Variants in CPNE2 observed in about 807,000 individuals in gnomAD.
CPNE2 encodes copine 2, also known as copine-2.
Under a neutral mutation model 69.7 loss-of-function variants are expected in CPNE2, and 42 were observed. The observed-to-expected ratio is 0.60, with a 90% confidence interval of 0.47 to 0.78. CPNE2 has a LOEUF of 0.78. Ranked by LOEUF, CPNE2 falls within the 30% of genes least tolerant of loss-of-function variation. The probability of loss-of-function intolerance (pLI) is 0.00; values close to 1 mark genes in which losing one functional copy is unlikely to be tolerated. For synonymous variants in CPNE2, 294 were observed against 289.8 expected, an observed-to-expected ratio of 1.01 and a Z score of -0.15; for missense variants, 587 against 732.0, an observed-to-expected ratio of 0.80 and a Z score of 2.29.
rs780392148 is a variant in CPNE2, at chr16:57,124,922, GCC to G, written c.928-937_928-936del. ...TTCATTCAGCGAACTCACACTGACT[GCC>G]TCCTTTGTGCCGGGCTCTAGGCTGT... On this transcript the variant is annotated intron_variant, in intron 10 of 15. Transcript: ENST00000290776. 1.1e-3 allele frequency: 258 copies of G among 239,100 alleles called. 1 individual carries two copies. Among genetic ancestry groups the G allele is most frequent in the Non-Finnish European group, 1.8e-3 (214 of 116,198 alleles). 14.8% of individuals were successfully genotyped at this position (239,100 alleles called of 1,614,324 possible). A position where few individuals can be genotyped will look rare whatever the true frequency, so the allele number is the denominator to read the frequency against.
intron 14 of CPNE2, chr16:57,141,319 C>A (rs2069921231): frequency 6.6e-6 from 1 of 152,292 alleles, no homozygotes; most frequent in Non-Finnish European, 1.5e-5. Flanking sequence ...GAGGCCCAAG[C>A]ACCTGGTGCT....
intron 1 of CPNE2, among the ~76,000 whole-genome samples, chr16:57,095,885 C>A (rs1485955038): frequency 6.6e-6 from 1 of 152,220 alleles, no homozygotes; most frequent in Non-Finnish European, 1.5e-5. Context: ...TTTCTTGGGG[C>A]ATTTGCCACT....
chr16:57,110,372 G>A (rs1026285859), intron 1 of CPNE2, among the ~76,000 whole-genome samples: 5 of 151,834 alleles, frequency 3.3e-5, no homozygotes, highest in Non-Finnish European at 7.4e-5. Flanking sequence ...CCACAGGCAC[G>A]CACCACCATG....
chr16:57,140,144 T>A (rs973925019), intron 14 of CPNE2, among the ~76,000 whole-genome samples: 2 of 152,182 alleles, frequency 1.3e-5, no homozygotes, highest in Non-Finnish European at 2.9e-5. Context: ...TCTTATGGAA[T>A]GGAATGTTTC....
At chr16:57,116,922 G>A (rs933075578) in intron 4 of CPNE2, among the ~76,000 whole-genome samples, 2 of 152,192 alleles carry the variant, frequency 1.3e-5, no homozygotes, top group African/African-American at 4.8e-5. Flanking sequence ...AGGCCTACAG[G>A]GGGCCTCAGC....
chr16:57,134,690 G>A (rs1210390456), intron 12 of CPNE2, 85 bp from the exon 13 acceptor site: 1 of 1,464,370 alleles, frequency 6.8e-7, no homozygotes, highest in East Asian at 2.3e-5. Context: ...GCTCTCAAAG[G>A]GAGCCTTGGC....
rs1466666509 is a variant in CPNE2 at position 57,146,205 on chromosome 16, G to T, written c.1423G>T (p.Ala475Ser). ...CATCATCATCGTGGGCGTGGGCAAT[G>T]CGGACTTCGCTGCCATGGAGTTCCT... is the stretch of plus-strand genomic sequence containing the variant. ...MSIIIVGVGNADFAAMEFLDG... is the reference protein window; with the variant it reads ...MSIIIVGVGNSDFAAMEFLDG... Residue 475 changes from alanine to serine, a missense_variant, in exon 15 of 16, where the codon GCG becomes TCG. Around this residue, in one of 5 missense-constraint regions of CPNE2, gnomAD observed 185 missense variants for 252.3 expected, o/e 0.73. Transcript: ENST00000290776. The surrounding 1 kb of genome is among the most constrained non-coding windows in gnomAD (Gnocchi z 4.4). 1 of 1,569,694 alleles carries T rather than the reference G, an allele frequency of 6.4e-7. No individual in the cohort carries two copies. The highest frequency in any genetic ancestry group is 8.6e-7 in the Non-Finnish European group (1 of 1,156,386).
Position 57,134,809 on chromosome 16 carries a change from C to A in CPNE2, c.1151C>A (p.Thr384Asn). ...SHEFAINFNPTNPFCSGVDGI... is the reference protein window; with the variant it reads ...SHEFAINFNPNNPFCSGVDGI... ...GAGTTTGCCATCAACTTCAACCCCA[C>A]CAACCCCTTCTGCTCAGGTGAGTGT... Residue 384 changes from threonine (T) to asparagine (N), a missense_variant, in exon 13 of 16, where the codon ACC (threonine) becomes AAC (asparagine). Physicochemically the swap from Thr to Asn is moderately conservative, Grantham distance 65. This residue lies in a region of CPNE2 where 185 missense variants were observed against 252.3 expected (regional missense o/e 0.73). Coordinates refer to ENST00000290776, the MANE Select transcript of CPNE2 (RefSeq NM_152727.6). 1.2e-6 allele frequency: 2 copies of A among 1,613,982 alleles called. No homozygotes were observed. The highest frequency in any genetic ancestry group is 1.7e-6 in the Non-Finnish European group (2 of 1,179,934).
Position 57,119,465 on chromosome 16 carries a change from G to T in CPNE2, c.592-96G>T, listed in dbSNP as rs936433978. The T allele has an allele frequency of 4.2e-6, 5 of 1,177,608 alleles. No homozygotes were observed. In the African/African-American group the frequency reaches 7.6e-5, roughly 18 times the overall value. 72.9% of individuals were successfully genotyped at this position (1,177,608 alleles called of 1,614,324 possible). ...TCTGTCTCTGGAAGTGTGGCTGTGG[G>T]TCTGCATTTTGTCACCCTGTCCCCA... On this transcript the variant is annotated intron_variant, in intron 6 of 15. Transcript: ENST00000290776.
In CPNE2 at chr16:57,113,389, G is replaced by A. The variant is rs762692320; in HGVS notation, c.282G>A (p.Ala94=). The A allele has an allele frequency of 3.7e-5, 60 of 1,614,034 alleles. No individual in the cohort carries two copies. The highest frequency in any genetic ancestry group is 4.3e-5 in the Non-Finnish European group (51 of 1,180,044). The change falls in exon 3 of 16, where the codon GCG becomes GCA. Residue 94 remains alanine (A), a synonymous_variant. Coordinates refer to ENST00000290776, the MANE Select transcript of CPNE2 (RefSeq NM_152727.6). ...HFEEVQKLKF[A]LFDQDKSSMR... is the part of the protein sequence containing the mutation. ...AGGAGGTACAGAAGCTCAAGTTCGC[G>A]CTCTTTGACCAGGACAAGTCCAGTA...
rs1195433872 is a variant in CPNE2, at chr16:57,145,936, C to T, written c.1303-149C>T. ...CAGGGGTGGGGTGCTGAGAGCAGGACGCATAGTGAGTTGTCTGGGACTTGG... is the reference window on the plus strand; with the variant it reads ...CAGGGGTGGGGTGCTGAGAGCAGGATGCATAGTGAGTTGTCTGGGACTTGG... On this transcript the variant is annotated intron_variant, in intron 14 of 15. Transcript: ENST00000290776. 2.8e-5 allele frequency: 19 copies of T among 670,454 alleles called. 1 individual carries two copies. The highest frequency in any genetic ancestry group is 8.9e-5 in the African/African-American group (5 of 56,396). The allele number at this position is 670,454 out of a possible 1,614,324, so 41.5% of individuals were successfully genotyped here.
At chr16:57,093,192 C>T (rs1597486502) in intron 1 of CPNE2, among the ~76,000 whole-genome samples, 1 of 151,404 alleles carries the variant, frequency 6.6e-6, no homozygotes, top group African/African-American at 2.4e-5. Flanking sequence ...GCGCTGGCTC[C>T]TCTCCGCTCC....
chr16:57,126,846 G>A (rs1334940489), intron 11 of CPNE2, among the ~76,000 whole-genome samples: 1 of 152,116 alleles, frequency 6.6e-6, no homozygotes, highest in East Asian at 1.9e-4. Flanking sequence ...GCCCATCACC[G>A]AGCTGTCTAA....
In CPNE2 at chr16:57,146,078, C is replaced by T. The variant is rs1156786193; in HGVS notation, c.1303-7C>T. 2 of 1,602,188 alleles carry T rather than the reference C, an allele frequency of 1.2e-6. No individual in the cohort carries two copies. The highest frequency in any genetic ancestry group is 1.3e-5 in the African/African-American group (1 of 74,740). ...TGCTGAGTGCCCCGTTGGCCCCCTCCCTGCAGCAGTACTTCATCCTCCTCA... is the reference window on the plus strand; with the variant it reads ...TGCTGAGTGCCCCGTTGGCCCCCTCTCTGCAGCAGTACTTCATCCTCCTCA... On this transcript the variant is annotated splice_region_variant and splice_polypyrimidine_tract_variant and intron_variant, in intron 14 of 15. Transcript: ENST00000290776. This position sits in a 1 kb window ranked among gnomAD's most constrained non-coding sequence, Gnocchi z 4.4.
At chr16:57,128,521 C>T (rs768541495) in intron 12 of CPNE2, among the ~76,000 whole-genome samples, 1 of 152,148 alleles carries the variant, frequency 6.6e-6, no homozygotes, top group Admixed American at 6.5e-5. Context: ...GCCACTGTGA[C>T]CAGTGCAGAT....
chr16:57,120,903 C>G (rs1257200012), intron 7 of CPNE2, among the ~76,000 whole-genome samples, 190 bp from the exon 8 acceptor site: 1 of 152,156 alleles, frequency 6.6e-6, no homozygotes, highest in Non-Finnish European at 1.5e-5. Flanking sequence ...GACACACTTT[C>G]TCCTTTTCCC....
At position 57,115,521 on chromosome 16, in the gene CPNE2, G is replaced by C; in HGVS notation, c.406G>C (p.Asp136His). The change falls in exon 4 of 16, where the codon GAC (aspartate) becomes CAC (histidine). Residue 136 changes from aspartate to histidine, a missense_variant. Transcript: ENST00000290776. The part of the protein sequence containing the change: ...KITRPLLLLN[D>H]KPAGKGLITI... The stretch of plus-strand genomic sequence containing the variant: ...CACTAGGCCTCTGCTGCTGCTGAAT[G>C]ACAAGCCTGCGGGGAAGGGCTTGAT... 1 of 1,612,584 alleles carries C rather than the reference G, an allele frequency of 6.2e-7. No individual in the cohort carries two copies. Among genetic ancestry groups the C allele is most frequent in the Non-Finnish European group, 8.5e-7 (1 of 1,179,228 alleles).
chr16:57,131,224 T>C (rs1471673564), intron 12 of CPNE2, among the ~76,000 whole-genome samples: 1 of 152,260 alleles, frequency 6.6e-6, no homozygotes, highest in Admixed American at 6.5e-5. Context: ...AGAGAGCTCC[T>C]AAGCCTGCAC....
intron 14 of CPNE2, chr16:57,144,735 G>A (rs182107603): frequency 6.6e-6 from 1 of 152,360 alleles, no homozygotes; most frequent in African/African-American, 2.4e-5. Flanking sequence ...ATCACCTGAG[G>A]TCAGGAGTTT....
Sources: gnomAD v4.1 joint callset for allele counts (sites outside exome capture counted in the v4.1 genomes callset) on GRCh38, gnomAD v4.1.1 for gene constraint, gnomAD v4.1.1 regional missense constraint, Gnocchi (gnomAD v3.1) non-coding constraint, MANE v1.5 for transcripts, NCBI Gene and HGNC (gene_info 2026-07-23, HGNC 2026-07-21) for gene names.